The following RBFOX1 variants were observed in gnomAD, a reference collection of about 807,000 sequenced individuals.
The protein encoded by RBFOX1 is RNA binding protein fox-1 homolog 1.
A neutral mutation model predicts 57.7 loss-of-function variants in RBFOX1; 8 were observed. That is an observed-to-expected ratio of 0.14 (90% CI 0.08 to 0.25). RBFOX1 has a LOEUF of 0.25. RBFOX1 is among the 10% of genes least tolerant of loss of function. The pLI is 1.00. For missense variants in RBFOX1, 611 were observed against 548.5 expected (o/e 1.11, Z -1.14); for synonymous variants, 326 against 222.4 (o/e 1.47, Z -4.15).
intron 3 of RBFOX1, among the ~76,000 whole-genome samples, chr16:6,820,677 A>G (rs1181253961): frequency 6.6e-6 from 1 of 151,874 alleles, no homozygotes; most frequent in African/African-American, 2.4e-5. Flanking sequence ...AAACAAGCAA[A>G]ACAAACAAAC....
Position 5,846,258 on chromosome 16 carries a change from G to A in RBFOX1, c.319-21045G>A, listed in dbSNP as rs181940025. Among the ~76,000 whole-genome samples, 278 of 152,080 alleles carry A rather than the reference G, an allele frequency of 1.8e-3. 3 individuals are homozygous for A. The highest frequency in any genetic ancestry group is 6.4e-3 in the African/African-American group (264 of 41,470). On this transcript the variant is annotated intron_variant, in intron 3 of 19. Coordinates refer to the RBFOX1 transcript ENST00000641259. ...GCTGGTGACTCATGGTGGAGGCCCA[G>A]TAGTAGCATCTTTGATGAAAGAAGA...
At chr16:6,957,543 C>T (rs146339218) in intron 3 of RBFOX1, among the ~76,000 whole-genome samples, 4 of 152,072 alleles carry the variant, frequency 2.6e-5, no homozygotes, top group Admixed American at 6.6e-5. Flanking sequence ...GCAGTGGGGA[C>T]GATCAGAGGT....
intron 4 of RBFOX1, among the ~76,000 whole-genome samples, chr16:7,391,161 C>T (rs1343627071): frequency 6.6e-6 from 1 of 152,154 alleles, no homozygotes; most frequent in Non-Finnish European, 1.5e-5. Flanking sequence ...GGCAGCATGT[C>T]CAGACACTGC....
chr16:7,000,349 C>G (rs887591988), intron 3 of RBFOX1, among the ~76,000 whole-genome samples: 4 of 151,992 alleles, frequency 2.6e-5, no homozygotes, highest in African/African-American at 4.8e-5. Flanking sequence ...CGATACATCT[C>G]TCAAGTTTCT....
At chr16:7,683,345 C>T (rs892037210) in intron 14 of RBFOX1, among the ~76,000 whole-genome samples, 1 of 151,658 alleles carries the variant, frequency 6.6e-6, no homozygotes, top group Non-Finnish European at 1.5e-5. Flanking sequence ...CAGACAGACA[C>T]ACACACGTTA....
chr16:7,165,656 C>G lies in RBFOX1; in HGVS notation c.27+113558C>G, dbSNP rs895488090. ...GTTGGTCAGGCTGGTCTCAAACTCC[C>G]GATCTCAGGTGATCTGCCTGCCTCA... On this transcript the variant is annotated intron_variant, in intron 4 of 15. Coordinates refer to ENST00000550418, the MANE Select transcript of RBFOX1 (RefSeq NM_018723.4). Among the ~76,000 whole-genome samples the G allele has an allele frequency of 1.3e-5, 2 of 151,612 alleles. 1 individual carries two copies. The highest frequency in any genetic ancestry group is 4.2e-4 in the South Asian group (2 of 4,784).
intron 1 of RBFOX1, among the ~76,000 whole-genome samples, chr16:6,027,204 C>A (rs2152377400): frequency 6.6e-6 from 1 of 152,324 alleles, no homozygotes; most frequent in Middle Eastern, 3.4e-3. Context: ...GAAGCTCCTT[C>A]TGTGCTAGGG....
intron 1 of RBFOX1, among the ~76,000 whole-genome samples, chr16:6,283,728 C>T (rs964766456): frequency 3.9e-5 from 6 of 152,144 alleles, no homozygotes; most frequent in African/African-American, 1.4e-4. Flanking sequence ...TGCACATACC[C>T]GCAGCTACTT....
chr16:5,931,168 A>G (rs992093416), intron 4 of RBFOX1, among the ~76,000 whole-genome samples: 17 of 152,118 alleles, frequency 1.1e-4, no homozygotes, highest in African/African-American at 4.1e-4. Flanking sequence ...ATTAGGCTCC[A>G]CCTGGTTACC....
chr16:7,331,515 G>C (rs1428879367), intron 4 of RBFOX1, among the ~76,000 whole-genome samples: 1 of 152,202 alleles, frequency 6.6e-6, no homozygotes, highest in African/African-American at 2.4e-5. Context: ...TGAGCCTTCA[G>C]TCTCAGGTCA....
chr16:7,050,508 C>T (rs766264941), intron 3 of RBFOX1, among the ~76,000 whole-genome samples: 1 of 152,050 alleles, frequency 6.6e-6, no homozygotes, highest in Admixed American at 6.6e-5. Flanking sequence ...TCACATGATC[C>T]ACCCGCCTTG....
intron 4 of RBFOX1, among the ~76,000 whole-genome samples, chr16:7,199,087 C>A (rs2087576691): frequency 6.6e-6 from 1 of 152,144 alleles, no homozygotes; most frequent in Non-Finnish European, 1.5e-5. Context: ...CCGTCCTCCT[C>A]CCCAGAGGAA....
intron 2 of RBFOX1, among the ~76,000 whole-genome samples, chr16:6,444,023 G>T (rs914757334): frequency 7.2e-5 from 11 of 152,178 alleles, no homozygotes; most frequent in African/African-American, 1.4e-4. Flanking sequence ...TATATGAACA[G>T]ATATTGTATA....
chr16:6,929,267 T>G (rs1723634638), intron 3 of RBFOX1, among the ~76,000 whole-genome samples: 2 of 152,090 alleles, frequency 1.3e-5, no homozygotes, highest in African/African-American at 4.8e-5. Context: ...TGCTAAGGGT[T>G]GGATTAGAGG....
chr16:7,096,134 A>G (rs140071274), intron 4 of RBFOX1, among the ~76,000 whole-genome samples: 1 of 152,338 alleles, frequency 6.6e-6, no homozygotes, highest in African/African-American at 2.4e-5. Flanking sequence ...CAATCTTCAT[A>G]TAACTTACAT....
chr16:6,235,558 ATGTG>A (rs3064942), intron 1 of RBFOX1, among the ~76,000 whole-genome samples: 11,364 of 147,142 alleles, frequency 0.077, 543 homozygotes, highest in Non-Finnish European at 0.11. Flanking sequence ...GCGTGTATGT[ATGTG>A]TGTGTGTGTG....
chr16:5,458,924 G>T (rs2068710579), intron 1 of RBFOX1, among the ~76,000 whole-genome samples: 1 of 152,180 alleles, frequency 6.6e-6, no homozygotes, highest in Non-Finnish European at 1.5e-5. Flanking sequence ...TGTGGCAGAA[G>T]CCAAGAGCAC....
intron 2 of RBFOX1, among the ~76,000 whole-genome samples, chr16:6,629,709 A>G (rs915090640): frequency 6.6e-6 from 1 of 152,192 alleles, no homozygotes; most frequent in African/African-American, 2.4e-5. Context: ...CATTTGACAT[A>G]TAGGTGGATC....
At chr16:5,594,135 C>CA (rs1410285452) in intron 2 of RBFOX1, among the ~76,000 whole-genome samples, 1 of 152,160 alleles carries the variant, frequency 6.6e-6, no homozygotes, top group Non-Finnish European at 1.5e-5. Flanking sequence ...CCTCTGACCC[C>CA]ACACCCTCTG....
Sources: gnomAD v4.1 joint callset for allele counts (sites outside exome capture counted in the v4.1 genomes callset) on GRCh38, gnomAD v4.1.1 for gene constraint, MANE v1.5 for transcripts, NCBI Gene and HGNC (gene_info 2026-07-23, HGNC 2026-07-21) for gene names.